The following MGAM2 variants were observed in gnomAD, a reference collection of about 807,000 sequenced individuals.
The protein encoded by MGAM2 is probable maltase-glucoamylase 2.
A neutral mutation model predicts 96.1 loss-of-function variants in MGAM2; 98 were observed. The observed-to-expected ratio is 1.02, with a 90% CI of 0.87 to 1.21. The LOEUF (loss-of-function observed/expected upper bound fraction) is 1.21, where lower values mean the gene tolerates loss of function less well. Ranked by LOEUF, MGAM2 falls within the 50% of genes most tolerant of loss-of-function variation. The probability of loss-of-function intolerance (pLI) is 0.00; values close to 1 mark genes in which losing one functional copy is unlikely to be tolerated. For missense variants in MGAM2, 2,055 were observed against 1,182.4 expected (o/e 1.74, Z -10.82); for synonymous variants, 749 against 414.8 (o/e 1.81, Z -9.79).
Position 142,134,163 on chromosome 7 carries a change from T to G in MGAM2, c.747+11T>G, listed in dbSNP as rs761303948. ...GCTACCCCCACCGAGGTGAGGTGGC[T>G]TTCCTCCTGAGTATCGCCCACAGTA... On this transcript the variant is annotated intron_variant, in intron 7 of 47. Transcript: ENST00000477922. 1.4e-6 allele frequency: 1 copy of G among 731,314 alleles called. No homozygotes were observed. Among genetic ancestry groups the G allele is most frequent in the African/African-American group, 1.7e-5 (1 of 58,424 alleles). 45.3% of individuals were successfully genotyped at this position (731,314 alleles called of 1,614,324 possible).
At chr7:142,149,797 T>TC (rs1242468868) in intron 15 of MGAM2, among the ~76,000 whole-genome samples, 1 of 152,126 alleles carries the variant, frequency 6.6e-6, no homozygotes, top group Non-Finnish European at 1.5e-5. Context: ...CGCCTTGGCC[T>TC]CCCAAAGTGC....
intron 2 of MGAM2, among the ~76,000 whole-genome samples, chr7:142,118,997 T>C (rs1794470195): frequency 6.6e-6 from 1 of 152,036 alleles, no homozygotes; most frequent in Non-Finnish European, 1.5e-5. Flanking sequence ...TTGGACTTCA[T>C]CAAAATTGAA....
Position 142,132,041 on chromosome 7 carries a change from A to C in MGAM2, c.531A>C (p.Lys177Asn). Residue 177 changes from lysine (K) to asparagine (N), a missense_variant, in exon 6 of 48, where the codon AAA (lysine) becomes AAC (asparagine). Physicochemically the swap from Lys to Asn is moderately conservative, Grantham distance 94. Transcript: ENST00000477922. ...GCTATTACGTGGAGGTTACTGATAA[A>C]CCTTTCAGCATCAAAATAATGAGGA... ...NLSYYVEVTDKPFSIKIMRTS... is the reference protein window; with the variant it reads ...NLSYYVEVTDNPFSIKIMRTS... The C allele has an allele frequency of 1.4e-6, 1 of 703,080 alleles. No individual in the cohort carries two copies. Among genetic ancestry groups the C allele is most frequent in the Non-Finnish European group, 2.6e-6 (1 of 385,024 alleles). 43.6% of individuals were successfully genotyped at this position (703,080 alleles called of 1,614,324 possible).
intron 2 of MGAM2, among the ~76,000 whole-genome samples, chr7:142,117,928 ACTGTTTTTTTTTCTT>A (rs1353733557): frequency 2.0e-5 from 3 of 147,874 alleles, no homozygotes; most frequent in Non-Finnish European, 4.4e-5. Flanking sequence ...TCTGCTTTCA[ACTGTTTTTTTTTCTT>A]CTGTTTTTTT....
chr7:142,198,770 C>G (rs1458546474), intron 44 of MGAM2, 31 bp downstream of exon 44: 2 of 698,442 alleles, frequency 2.9e-6, no homozygotes, highest in Non-Finnish European at 5.2e-6. Flanking sequence ...CTAACAGCCT[C>G]TTGCTATACC....
rs751890930 is a variant in MGAM2 at position 142,186,039 on chromosome 7, TG to T, written c.4039del (p.Ala1347ArgfsTer7). ...CTGACTTCTTTCGTAATAGCACAGC[TG>T]CGTGGTGGAAGAAAGAGATAGAAGA... ...FPDFFRNSTA[A>X]WWKKEIEELY... On this transcript the variant is annotated frameshift_variant, in exon 35 of 48. Coordinates refer to ENST00000477922, the MANE Select transcript of MGAM2 (RefSeq NM_001293626.2). LOFTEE classifies it high-confidence loss of function. 1 of 704,848 alleles carries T rather than the reference TG, an allele frequency of 1.4e-6. No homozygotes were observed. The allele number at this position is 704,848 out of a possible 1,614,324, so 43.7% of individuals were successfully genotyped here. A position where few individuals can be genotyped will look rare whatever the true frequency, so the allele number is the denominator to read the frequency against.
At position 142,221,071 on chromosome 7, in the gene MGAM2, C is replaced by T; in HGVS notation, c.6560C>T (p.Ala2187Val). 1.4e-6 allele frequency: 1 copy of T among 702,494 alleles called. No individual in the cohort carries two copies. Among genetic ancestry groups the T allele is most frequent in the Non-Finnish European group, 2.6e-6 (1 of 384,754 alleles). The allele number at this position is 702,494 out of a possible 1,614,324, so 43.5% of individuals were successfully genotyped here. The change falls in exon 48 of 48, where the codon GCA (alanine) becomes GTA (valine). Residue 2187 changes from alanine to valine, a missense_variant. By Grantham distance (64) the Ala-to-Val change is moderately conservative (BLOSUM62 0). Coordinates refer to ENST00000477922, the MANE Select transcript of MGAM2 (RefSeq NM_001293626.2). ...TVPVTAIPSL[A>V]NTGVDTTSNS... is the part of the protein sequence containing the mutation. Reference sequence around the variant, plus strand: ...CCAGTTACAGCTATTCCTTCTCTTGCAAATACTGGTGTTGACACTACTAGC... The same window carrying T: ...CCAGTTACAGCTATTCCTTCTCTTGTAAATACTGGTGTTGACACTACTAGC...
intron 35 of MGAM2, 119 bp downstream of exon 35, chr7:142,186,242 G>A: frequency 1.6e-6 from 1 of 618,588 alleles, no homozygotes; most frequent in Non-Finnish European, 2.9e-6. Context: ...GGAGAATCTA[G>A]GTGCTGTTAC....
chr7:142,189,245 A>G, intron 36 of MGAM2, 122 bp from the exon 37 acceptor site: 1 of 549,890 alleles, frequency 1.8e-6, no homozygotes, highest in Middle Eastern at 2.7e-4. Flanking sequence ...AAACCTCATA[A>G]AATTGGGTCT....
At chr7:142,184,068 G>A (rs952095988) in intron 33 of MGAM2, among the ~76,000 whole-genome samples, 1 of 138,396 alleles carries the variant, frequency 7.2e-6, no homozygotes, top group African/African-American at 2.7e-5. Flanking sequence ...CTCTTCCCAG[G>A]TTCAAGCGAT....
intron 1 of MGAM2, among the ~76,000 whole-genome samples, chr7:142,115,887 TGA>T (rs1817379167): frequency 1.3e-5 from 2 of 152,000 alleles, no homozygotes; most frequent in East Asian, 3.9e-4. Flanking sequence ...AGTCAGACAA[TGA>T]GACAGTAAAA....
At chr7:142,134,206 T>C in intron 7 of MGAM2, 54 bp downstream of exon 7, 3 of 667,906 alleles carry the variant, frequency 4.5e-6, no homozygotes, top group Non-Finnish European at 8.2e-6. Flanking sequence ...CCCTCCTTCC[T>C]TTCCTAAAAG....
rs1563242751 is a variant in MGAM2 at position 142,114,208 on chromosome 7, A to AAGAAAGAAAGAG, written c.-1+2408_-1+2409insAAGAGAGAAAGA. 9.0e-5 allele frequency among the ~76,000 whole-genome samples: 12 copies of AAGAAAGAAAGAG among 133,568 alleles called. 2 individuals are homozygous for AAGAAAGAAAGAG. The highest frequency in any genetic ancestry group is 2.9e-4 in the African/African-American group (9 of 31,110). 87.6% of individuals were successfully genotyped at this position (133,568 alleles called of 152,430 possible). A position where few individuals can be genotyped will look rare whatever the true frequency, so the allele number is the denominator to read the frequency against. On this transcript the variant is annotated intron_variant, in intron 1 of 47. Coordinates refer to ENST00000477922, the MANE Select transcript of MGAM2 (RefSeq NM_001293626.2). ...AAAGAAAGAAAGAAAGAAAGAAAGA[A>AAGAAAGAAAGAG]AGAAAGAGAGAAAGAAAGAAAGAAA...
At chr7:142,208,724 G>T in intron 46 of MGAM2, 102 bp downstream of exon 46, 2 of 621,750 alleles carry the variant, frequency 3.2e-6, no homozygotes, top group Non-Finnish European at 5.7e-6. Context: ...CTTAATAGGA[G>T]GTTCTTCTTG....
intron 1 of MGAM2, among the ~76,000 whole-genome samples, chr7:142,112,509 T>C (rs1488490135): frequency 6.6e-6 from 1 of 152,228 alleles, no homozygotes; most frequent in Non-Finnish European, 1.5e-5. Flanking sequence ...GTGGGCTGTA[T>C]GTATAAGAAA....
Position 142,140,842 on chromosome 7 carries a change from A to G in MGAM2, c.1127A>G (p.Lys376Arg), listed in dbSNP as rs1171777606. The change falls in exon 11 of 48, where the codon AAG (lysine) becomes AGG (arginine). Residue 376 changes from lysine (K) to arginine (R), a missense_variant. By Grantham distance (26) the Lys-to-Arg change is conservative. Transcript: ENST00000477922. ...GACATAGACTACATGGATGGAAAGA[A>G]GGATTTCACTGTTGATGAAGTCGCT... Reference protein sequence around the residue: ...YSDIDYMDGKKDFTVDEVAYS... With the variant: ...YSDIDYMDGKRDFTVDEVAYS... 1.8e-5 allele frequency: 13 copies of G among 702,906 alleles called. No homozygotes were observed. The highest frequency in any genetic ancestry group is 2.6e-6 in the Non-Finnish European group (1 of 384,978). 43.5% of individuals were successfully genotyped at this position (702,906 alleles called of 1,614,324 possible).
chr7:142,123,665 T>C (rs1468803071), intron 3 of MGAM2, among the ~76,000 whole-genome samples: 4 of 152,198 alleles, frequency 2.6e-5, no homozygotes, highest in Admixed American at 1.3e-4. Flanking sequence ...TAGTTACTTA[T>C]GTATTCTGGA....
At chr7:142,174,716 T>TC (rs1491303373) in intron 31 of MGAM2, among the ~76,000 whole-genome samples, 275 of 77,294 alleles carry the variant, frequency 3.6e-3, no homozygotes, top group Non-Finnish European at 5.0e-3. Context: ...TCTCTCTCTC[T>TC]TTTTTTTTTT....
At chr7:142,129,050 C>G (rs532128041) in intron 3 of MGAM2, among the ~76,000 whole-genome samples, 1 of 152,350 alleles carries the variant, frequency 6.6e-6, no homozygotes, top group South Asian at 2.1e-4. Flanking sequence ...AGAGGCAGAG[C>G]TGCTCAAGGC....
Sources: gnomAD v4.1 joint callset for allele counts (sites outside exome capture counted in the v4.1 genomes callset) on GRCh38, gnomAD v4.1.1 for gene constraint, MANE v1.5 for transcripts, NCBI Gene and HGNC (gene_info 2026-07-23, HGNC 2026-07-21) for gene names.